The following NUDCD1 variants were observed in gnomAD, a reference collection of about 807,000 sequenced individuals.
The protein encoded by NUDCD1 is NudC domain containing 1.
In NUDCD1, 60 loss-of-function variants were observed where a neutral mutation model predicts 67.8. The observed-to-expected ratio is 0.88, with a 90% CI of 0.72 to 1.10. The LOEUF is 1.10. Among genes scored for constraint, NUDCD1 ranks in the 50% least tolerant of loss-of-function variants. The pLI is 0.00. For missense variants in NUDCD1, 643 were observed against 695.0 expected (o/e 0.93, Z 0.84); for synonymous variants, 244 against 230.8 (o/e 1.06, Z -0.52).
At chr8:109,277,473 A>C (rs1291411580) in intron 6 of NUDCD1, among the ~76,000 whole-genome samples, 1 of 152,088 alleles carries the variant, frequency 6.6e-6, no homozygotes, top group Non-Finnish European at 1.5e-5. Context: ...GCAAAAAAAA[A>C]ACCCCAAACA....
chr8:109,266,376 C>A (rs1192433402), intron 8 of NUDCD1, among the ~76,000 whole-genome samples: 1 of 149,576 alleles, frequency 6.7e-6, no homozygotes, highest in Non-Finnish European at 1.5e-5. Flanking sequence ...CAGGTGCCTG[C>A]CACCATGCCC....
chr8:109,315,929 GT>G (rs1815384229), intron 2 of NUDCD1: 1 of 152,122 alleles, frequency 6.6e-6, no homozygotes, highest in Non-Finnish European at 1.5e-5. Context: ...ACAAATAGTT[GT>G]AACATGTCAC....
At chr8:109,303,198 C>T (rs542483574) in intron 2 of NUDCD1, among the ~76,000 whole-genome samples, 15 of 152,348 alleles carry the variant, frequency 9.8e-5, no homozygotes, top group African/African-American at 3.6e-4. Flanking sequence ...ACTCGCCCAG[C>T]AGCCACTCCC....
intron 4 of NUDCD1, among the ~76,000 whole-genome samples, chr8:109,290,799 G>A (rs149828356): frequency 2.6e-5 from 4 of 152,074 alleles, no homozygotes; most frequent in Admixed American, 1.3e-4. Flanking sequence ...GCTTCATACT[G>A]AGTAGTCGAA....
chr8:109,279,048 C>T (rs1234010047), intron 6 of NUDCD1, among the ~76,000 whole-genome samples: 3 of 152,042 alleles, frequency 2.0e-5, no homozygotes, highest in African/African-American at 7.2e-5. Context: ...GTGACTGTGC[C>T]ACTGCACTCC....
In NUDCD1 at chr8:109,310,941, G is replaced by C. The variant is rs932910051; in HGVS notation, c.273+11368C>G. On this transcript the variant is annotated intron_variant, in intron 2 of 9. Transcript: ENST00000239690. ...AGTGATTCCCCTGCCTCAGCCTCCCGAGTAGCTGGGACTACAGGCGCACGC... is the reference window on the plus strand; with the variant it reads ...AGTGATTCCCCTGCCTCAGCCTCCCCAGTAGCTGGGACTACAGGCGCACGC... Among the ~76,000 whole-genome samples the C allele has an allele frequency of 2.1e-5, 3 of 145,342 alleles. No individual in the cohort carries two copies. The South Asian group carries it at 6.7e-4, about 32-fold the overall frequency.
intron 8 of NUDCD1, among the ~76,000 whole-genome samples, chr8:109,255,770 A>T (rs16879265): frequency 0.024 from 3,691 of 152,234 alleles, 140 homozygotes; most frequent in African/African-American, 0.084. Context: ...AGAGGTAAAT[A>T]AAGAGAATAA....
chr8:109,246,358 T>A (rs1356357604), intron 8 of NUDCD1, among the ~76,000 whole-genome samples: 1 of 152,186 alleles, frequency 6.6e-6, no homozygotes, highest in Non-Finnish European at 1.5e-5. Flanking sequence ...GCTATTATTA[T>A]CTTCATTTAA....
intron 5 of NUDCD1, among the ~76,000 whole-genome samples, chr8:109,288,253 G>T (rs1814620723): frequency 6.6e-6 from 1 of 152,154 alleles, no homozygotes; most frequent in Non-Finnish European, 1.5e-5. Flanking sequence ...CACATGATGT[G>T]TCCCACTTAG....
chr8:109,270,608 T>C (rs1814126909), intron 8 of NUDCD1, among the ~76,000 whole-genome samples: 1 of 152,182 alleles, frequency 6.6e-6, no homozygotes, highest in Non-Finnish European at 1.5e-5. Flanking sequence ...TTATTACTTA[T>C]TGTAATGTGT....
rs183657974 is a variant in NUDCD1 at position 109,287,919 on chromosome 8, A to C, written c.823+1832T>G. 5.2e-3 allele frequency among the ~76,000 whole-genome samples: 796 copies of C among 152,300 alleles called. 8 individuals carry two copies. The highest frequency in any genetic ancestry group is 0.018 in the African/African-American group (766 of 41,562). On this transcript the variant is annotated intron_variant, in intron 5 of 9. Coordinates refer to ENST00000239690, the MANE Select transcript of NUDCD1 (RefSeq NM_032869.4). ...AAACACCTAAATAATTCTCTCAATT[A>C]CTGGTTGCTTTGAGTACCTTTCTAT...
chr8:109,318,913 T>A (rs1815466589), intron 2 of NUDCD1, among the ~76,000 whole-genome samples: 1 of 151,618 alleles, frequency 6.6e-6, no homozygotes, highest in South Asian at 2.1e-4. Context: ...CCTCGTCCAG[T>A]GGGTGGCAAA....
rs142908251 is a variant in NUDCD1, at chr8:109,330,311, A to G, written c.118+3582T>C. Among the ~76,000 whole-genome samples the G allele has an allele frequency of 5.3e-3, 801 of 152,338 alleles. 8 individuals are homozygous for G. The highest frequency in any genetic ancestry group is 0.018 in the African/African-American group (768 of 41,574). ...AAGACAAGAGAATAAGCCTCATTGC[A>G]TCAAGTTCTTGACACCAGAGACCAC... On this transcript the variant is annotated intron_variant, in intron 1 of 9. Coordinates refer to ENST00000239690, the MANE Select transcript of NUDCD1 (RefSeq NM_032869.4).
intron 5 of NUDCD1, among the ~76,000 whole-genome samples, chr8:109,288,011 A>C (rs1274185867): frequency 6.6e-6 from 1 of 152,180 alleles, no homozygotes; most frequent in African/African-American, 2.4e-5. Flanking sequence ...CCAATAGATA[A>C]TACCAGTCTT....
chr8:109,248,502 C>T (rs771873271), intron 8 of NUDCD1, among the ~76,000 whole-genome samples: 14 of 152,086 alleles, frequency 9.2e-5, no homozygotes, highest in Non-Finnish European at 1.6e-4. Flanking sequence ...GCTAATCTAT[C>T]TTTAGATTTG....
At chr8:109,268,974 G>A (rs759676545) in intron 8 of NUDCD1, among the ~76,000 whole-genome samples, 3 of 152,156 alleles carry the variant, frequency 2.0e-5, no homozygotes, top group East Asian at 1.9e-4. Context: ...ACCCAGCCTG[G>A]ATATAATAAT....
At chr8:109,317,560 T>C (rs995510704) in intron 2 of NUDCD1, among the ~76,000 whole-genome samples, 2 of 150,144 alleles carry the variant, frequency 1.3e-5, no homozygotes, top group Admixed American at 1.3e-4. Flanking sequence ...ACAGGATCCA[T>C]TGTTCTGTGG....
At chr8:109,308,630 G>C (rs1170721299) in intron 2 of NUDCD1, among the ~76,000 whole-genome samples, 2 of 151,924 alleles carry the variant, frequency 1.3e-5, no homozygotes, top group African/African-American at 4.8e-5. Context: ...AGCTCAGTAA[G>C]AAACAAAATG....
At chr8:109,283,426 A>G (rs1814502027) in intron 5 of NUDCD1, among the ~76,000 whole-genome samples, 1 of 152,216 alleles carries the variant, frequency 6.6e-6, no homozygotes, top group Non-Finnish European at 1.5e-5. Context: ...ACATTCAGGT[A>G]TAAGAAATCC....
Sources: allele counts gnomAD v4.1 joint callset (sites outside exome capture counted in the v4.1 genomes callset), GRCh38; gene constraint gnomAD v4.1.1; transcripts MANE v1.5; gene names NCBI Gene and HGNC (gene_info 2026-07-23, HGNC 2026-07-21).